DPYD: variants seen among roughly 807,000 people sequenced by gnomAD.
The protein encoded by DPYD is dihydropyrimidine dehydrogenase [NADP(+)].
A neutral mutation model predicts 116.2 loss-of-function variants in DPYD; 109 were observed. The observed-to-expected ratio is 0.94, with a 90% CI of 0.80 to 1.10. DPYD has a LOEUF of 1.10. DPYD is among the 50% of genes least tolerant of loss of function. DPYD has a pLI of 0.00. For synonymous variants in DPYD, 440 were observed against 432.0 expected (o/e 1.02, Z -0.23); for missense variants, 1,302 against 1,254.5 (o/e 1.04, Z -0.57).
chr1:97,431,677 T>C (rs1261999226), intron 14 of DPYD, among the ~76,000 whole-genome samples: 1 of 152,172 alleles, frequency 6.6e-6, no homozygotes, highest in Non-Finnish European at 1.5e-5. Context: ...ATCCATCACC[T>C]CAAACATTTA....
rs79007458 is a variant in DPYD, at chr1:97,488,667, C to T, written c.1740+27059G>A. Among the ~76,000 whole-genome samples, 155 of 152,264 alleles carry T rather than the reference C, an allele frequency of 1.0e-3. 5 individuals are homozygous for T. The East Asian group carries it at 0.027, about 27-fold the overall frequency. ...AGACCCAATTGAGACCTAGCTAAAA[C>T]AGGGCCAGGGCAGAAGCAGCTTTCC... is the stretch of plus-strand genomic sequence containing the variant. On this transcript the variant is annotated intron_variant, in intron 13 of 22. Transcript: ENST00000370192.
At chr1:97,301,076 T>A (rs1026745963) in intron 18 of DPYD, among the ~76,000 whole-genome samples, 7 of 152,198 alleles carry the variant, frequency 4.6e-5, no homozygotes, top group Non-Finnish European at 8.8e-5. Context: ...AGATTTCAAA[T>A]CATTCATTAT....
intron 18 of DPYD, among the ~76,000 whole-genome samples, chr1:97,265,246 ACAAGT>A (rs768014935): frequency 7.2e-5 from 11 of 152,162 alleles, no homozygotes; most frequent in African/African-American, 4.8e-5. Flanking sequence ...CACTGTTCAT[ACAAGT>A]CTTAGCCCAA....
intron 18 of DPYD, chr1:97,280,072 C>G (rs560683341): frequency 6.6e-6 from 1 of 152,252 alleles, no homozygotes; most frequent in African/African-American, 2.4e-5. Flanking sequence ...AAGAGCTTAC[C>G]ACTCAATCTC....
intron 3 of DPYD, among the ~76,000 whole-genome samples, chr1:97,776,706 T>C (rs1161081814): frequency 6.6e-6 from 1 of 152,212 alleles, no homozygotes; most frequent in African/African-American, 2.4e-5. Flanking sequence ...AACACAAGTG[T>C]AAATTCTCCA....
intron 19 of DPYD, among the ~76,000 whole-genome samples, chr1:97,216,351 C>G (rs1660396403): frequency 6.6e-6 from 1 of 152,078 alleles, no homozygotes; most frequent in Non-Finnish European, 1.5e-5. Flanking sequence ...TCCAAAATAG[C>G]AATTTGTTGA....
intron 3 of DPYD, among the ~76,000 whole-genome samples, chr1:97,788,727 G>A (rs1044666937): frequency 6.6e-6 from 1 of 152,226 alleles, no homozygotes; most frequent in African/African-American, 2.4e-5. Flanking sequence ...ATAAAGGACA[G>A]AAAGGCAATT....
chr1:97,408,638 T>C (rs1673805322), intron 14 of DPYD, among the ~76,000 whole-genome samples: 2 of 152,114 alleles, frequency 1.3e-5, no homozygotes, highest in African/African-American at 4.8e-5. Flanking sequence ...GTCAACTGGA[T>C]TGGATTGCAA....
At chr1:97,406,629 T>C (rs1673675406) in intron 14 of DPYD, among the ~76,000 whole-genome samples, 1 of 151,338 alleles carries the variant, frequency 6.6e-6, no homozygotes, top group African/African-American at 2.4e-5. Context: ...GGAACGCTTT[T>C]ACACTGTTGG....
chr1:97,830,707 C>CAAAAAAAAAAAAAAAAAA (rs759967010), intron 2 of DPYD, among the ~76,000 whole-genome samples: 32 of 105,758 alleles, frequency 3.0e-4, no homozygotes, highest in South Asian at 1.6e-3. Flanking sequence ...GACTCCATCT[C>CAAAAAAAAAAAAAAAAAA]AAAAAAAAAA....
intron 18 of DPYD, among the ~76,000 whole-genome samples, chr1:97,245,728 A>C (rs1400604749): frequency 1.3e-5 from 2 of 152,130 alleles, no homozygotes; most frequent in African/African-American, 2.4e-5. Context: ...AAAAATAAAA[A>C]AGAGGTTCCA....
chr1:97,446,921 CA>C (rs2101780156), intron 14 of DPYD, among the ~76,000 whole-genome samples: 1 of 152,162 alleles, frequency 6.6e-6, no homozygotes, highest in South Asian at 2.1e-4. Flanking sequence ...CTACAATGAT[CA>C]ATGTGCCAAA....
chr1:97,392,629 T>C (rs566782988), intron 14 of DPYD, among the ~76,000 whole-genome samples: 68 of 152,190 alleles, frequency 4.5e-4, no homozygotes, highest in African/African-American at 1.6e-3. Flanking sequence ...AATAGGTTTA[T>C]GGAATATTCT....
intron 19 of DPYD, among the ~76,000 whole-genome samples, chr1:97,224,799 A>G (rs888321346): frequency 5.3e-4 from 80 of 151,678 alleles, no homozygotes; most frequent in African/African-American, 1.8e-3. Flanking sequence ...TTCATTTGGC[A>G]TAGTATTCTC....
chr1:97,707,297 ATTTT>A (rs1236924222), intron 5 of DPYD, among the ~76,000 whole-genome samples: 1 of 151,604 alleles, frequency 6.6e-6, no homozygotes, highest in African/African-American at 2.4e-5. Flanking sequence ...ATGAGCATAT[ATTTT>A]TTTTATTATA....
At chr1:97,720,148 TTTC>T in intron 5 of DPYD, 1 of 979,728 alleles carries the variant, frequency 1.0e-6, no homozygotes, top group Non-Finnish European at 1.2e-6. Flanking sequence ...TCTCTCTCTC[TTTC>T]TCTCTCTCTC....
chr1:97,800,454 C>A (rs1667792274), intron 3 of DPYD, among the ~76,000 whole-genome samples: 1 of 151,892 alleles, frequency 6.6e-6, no homozygotes, highest in South Asian at 2.1e-4. Context: ...GGTCTAACCT[C>A]TGTCACAGAT....
intron 20 of DPYD, among the ~76,000 whole-genome samples, chr1:97,154,634 C>A (rs1238179945): frequency 2.7e-5 from 4 of 150,458 alleles, no homozygotes; most frequent in African/African-American, 9.8e-5. Flanking sequence ...GTCCCAGCTA[C>A]TGAGGGGTTG....
chr1:97,644,619 GT>G lies in DPYD; in HGVS notation c.850+34475del, dbSNP rs373133269. On this transcript the variant is annotated intron_variant, in intron 8 of 22. Transcript: ENST00000370192. The stretch of plus-strand genomic sequence containing the variant: ...AGCTTGTTTTTTGTTTTTTGTTTTT[GT>G]TTTTTTTTTTTGTATTTTTAGTAGA... 6.2e-4 allele frequency among the ~76,000 whole-genome samples: 86 copies of G among 139,302 alleles called. 1 individual carries two copies. Among genetic ancestry groups the G allele is most frequent in the Non-Finnish European group, 6.2e-4 (39 of 63,326 alleles). 91.4% of individuals were successfully genotyped at this position (139,302 alleles called of 152,430 possible). A position where few individuals can be genotyped will look rare whatever the true frequency, so the allele number is the denominator to read the frequency against.
Sources: allele counts gnomAD v4.1 joint callset (sites outside exome capture counted in the v4.1 genomes callset), GRCh38; gene constraint gnomAD v4.1.1; transcripts MANE v1.5; gene names NCBI Gene and HGNC (gene_info 2026-07-23, HGNC 2026-07-21).